The following ATG5 variants were observed in gnomAD, a reference collection of about 807,000 sequenced individuals.
ATG5 encodes autophagy protein 5.
ATG5 carries 14 observed loss-of-function variants against 36.5 expected under a neutral mutation model. The observed-to-expected ratio is 0.38, with a 90% CI of 0.25 to 0.60. The LOEUF is 0.60. Ranked by LOEUF, ATG5 falls within the 20% of genes least tolerant of loss-of-function variation. The pLI is 0.60. For missense variants in ATG5, 195 were observed against 326.7 expected, an observed-to-expected ratio of 0.60 and a Z score of 3.11; for synonymous variants, 95 against 101.5, an observed-to-expected ratio of 0.94 and a Z score of 0.38.
intron 5 of ATG5, among the ~76,000 whole-genome samples, chr6:106,274,797 G>A (rs1406850646): frequency 6.6e-6 from 1 of 152,150 alleles, no homozygotes; most frequent in South Asian, 2.1e-4. Flanking sequence ...CTCTGCCAAA[G>A]ACCACACTAG....
At chr6:106,236,508 T>G (rs1461302709) in intron 6 of ATG5, among the ~76,000 whole-genome samples, 1 of 152,220 alleles carries the variant, frequency 6.6e-6, no homozygotes, top group Non-Finnish European at 1.5e-5. Flanking sequence ...ATCTTTTTAG[T>G]ACTGTCAACC....
At chr6:106,197,609 T>C (rs1014136646) in intron 7 of ATG5, among the ~76,000 whole-genome samples, 1 of 151,836 alleles carries the variant, frequency 6.6e-6, no homozygotes, top group African/African-American at 2.4e-5. Flanking sequence ...CTGTTTTAGT[T>C]CCCACAAGAG....
chr6:106,293,393 C>A (rs1437094005), intron 3 of ATG5, among the ~76,000 whole-genome samples: 2 of 152,184 alleles, frequency 1.3e-5, no homozygotes, highest in Non-Finnish European at 2.9e-5. Flanking sequence ...TGTCACAGTA[C>A]TGTTGCATCT....
chr6:106,206,853 C>A (rs890205896), intron 6 of ATG5, among the ~76,000 whole-genome samples: 2 of 152,106 alleles, frequency 1.3e-5, no homozygotes, highest in African/African-American at 4.8e-5. Context: ...TAGAGCTCTG[C>A]AAAGAAGACT....
intron 5 of ATG5, among the ~76,000 whole-genome samples, chr6:106,268,874 T>C (rs1368467373): frequency 2.0e-5 from 3 of 150,804 alleles, no homozygotes; most frequent in Admixed American, 1.3e-4. Flanking sequence ...CACGGGGGCC[T>C]GTCGGTGGGT....
At chr6:106,201,838 G>A in intron 7 of ATG5, 134 bp downstream of exon 7, 1 of 572,018 alleles carries the variant, frequency 1.7e-6, no homozygotes, top group Non-Finnish European at 2.9e-6. Flanking sequence ...AGGTGCTTCT[G>A]TTTGAAAAGA....
chr6:106,316,213 C>G lies in ATG5; in HGVS notation c.-5G>C. 1 of 1,612,130 alleles carries G rather than the reference C, an allele frequency of 6.2e-7. No homozygotes were observed. Among genetic ancestry groups the G allele is most frequent in the Non-Finnish European group, 8.5e-7 (1 of 1,178,536 alleles). On this transcript the variant is annotated 5_prime_UTR_variant, in exon 2 of 8. Transcript: ENST00000369076. ...CACATCTTTGTCATCTGTCATTCTT[C>G]CAGGAGTTAAAGCAGTACATACAGG...
chr6:106,251,921 A>G (rs1344410920), intron 5 of ATG5, among the ~76,000 whole-genome samples: 1 of 151,868 alleles, frequency 6.6e-6, no homozygotes, highest in South Asian at 2.1e-4. Context: ...GCTCACTGCA[A>G]CCTCCACCTC....
chr6:106,205,413 G>A (rs1024031034), intron 6 of ATG5, among the ~76,000 whole-genome samples: 2 of 152,058 alleles, frequency 1.3e-5, no homozygotes, highest in South Asian at 2.1e-4. Flanking sequence ...GAAATTACCT[G>A]GAATATTTCT....
intron 2 of ATG5, among the ~76,000 whole-genome samples, chr6:106,312,664 A>C (rs1770695673): frequency 6.6e-6 from 1 of 151,444 alleles, no homozygotes; most frequent in Non-Finnish European, 1.5e-5. Flanking sequence ...ACACACATAA[A>C]AACCAGACAG....
At chr6:106,250,713 C>T (rs576379119) in intron 5 of ATG5, among the ~76,000 whole-genome samples, 1 of 152,290 alleles carries the variant, frequency 6.6e-6, no homozygotes, top group Non-Finnish European at 1.5e-5. Flanking sequence ...TCTCAAGCAC[C>T]TAGCATGGTG....
At chr6:106,325,142 T>C (rs913406785) in intron 1 of ATG5, 1 of 152,218 alleles carries the variant, frequency 6.6e-6, no homozygotes, top group South Asian at 2.1e-4. Flanking sequence ...ATAAATTGCT[T>C]GGAGGACATA....
At chr6:106,277,445 TG>T (rs1023327616) in intron 5 of ATG5, among the ~76,000 whole-genome samples, 28 of 152,342 alleles carry the variant, frequency 1.8e-4, no homozygotes, top group Admixed American at 1.6e-3. Context: ...TAATAACTAA[TG>T]GGGACAATTA....
chr6:106,316,295 G>C, intron 1 of ATG5, 29 bp from the exon 2 acceptor site: 3 of 900,840 alleles, frequency 3.3e-6, no homozygotes, highest in Non-Finnish European at 5.1e-6. Flanking sequence ...GCATTAGTCA[G>C]ATCCTTGCAA....
chr6:106,209,117 G>A (rs1776756466), intron 6 of ATG5, among the ~76,000 whole-genome samples: 1 of 152,182 alleles, frequency 6.6e-6, no homozygotes, highest in African/African-American at 2.4e-5. Context: ...AAAGGAGTAT[G>A]GCAGTTTCTT....
Position 106,258,367 on chromosome 6 carries a change from C to A in ATG5, c.479-10123G>T, listed in dbSNP as rs1184077839. On this transcript the variant is annotated intron_variant, in intron 5 of 7. Coordinates refer to ENST00000369076, the MANE Select transcript of ATG5 (RefSeq NM_004849.4). Reference sequence around the variant, plus strand: ...TAGCCTGGGTGACAGAGCAAGGAGGCCCTGAATAAAAAAAAAAGGCTAGTC... The same window carrying A: ...TAGCCTGGGTGACAGAGCAAGGAGGACCTGAATAAAAAAAAAAGGCTAGTC... Among the ~76,000 whole-genome samples the A allele has an allele frequency of 6.0e-5, 9 of 151,174 alleles. No homozygotes were observed. In the East Asian group the frequency reaches 1.7e-3, roughly 29 times the overall value.
intron 7 of ATG5, among the ~76,000 whole-genome samples, chr6:106,189,431 T>G (rs998670284): frequency 6.6e-6 from 1 of 151,600 alleles, no homozygotes; most frequent in African/African-American, 2.4e-5. Context: ...AGACCCCATC[T>G]CTACAAAAAA....
intron 3 of ATG5, among the ~76,000 whole-genome samples, chr6:106,297,422 C>A (rs1340876238): frequency 6.6e-6 from 1 of 151,972 alleles, no homozygotes; most frequent in Non-Finnish European, 1.5e-5. Context: ...ATAATGAAAT[C>A]ATGAGCTGGC....
At chr6:106,189,384 C>A (rs750497265) in intron 7 of ATG5, among the ~76,000 whole-genome samples, 6 of 151,900 alleles carry the variant, frequency 3.9e-5, no homozygotes, top group Non-Finnish European at 7.4e-5. Flanking sequence ...GTGGGAGGAT[C>A]GCTTGAGCCC....
Sources: gnomAD v4.1 joint callset for allele counts (sites outside exome capture counted in the v4.1 genomes callset) on GRCh38, gnomAD v4.1.1 for gene constraint, MANE v1.5 for transcripts, NCBI Gene and HGNC (gene_info 2026-07-23, HGNC 2026-07-21) for gene names.